The following ALLC variants were observed in gnomAD, a reference collection of about 807,000 sequenced individuals.
ALLC encodes the protein probable inactive allantoicase.
Under a neutral mutation model 45.0 loss-of-function variants are expected in ALLC, and 40 were observed. The ratio of observed to expected loss-of-function variants is 0.89; its 90% CI spans 0.69 to 1.16. ALLC has a LOEUF of 1.16. Ranked by LOEUF, ALLC falls within the 50% of genes most tolerant of loss-of-function variation. The pLI is 0.00. For synonymous variants in ALLC, 176 were observed against 178.1 expected (o/e 0.99, Z 0.09); for missense variants, 488 against 493.1 (o/e 0.99, Z 0.10).
rs1023133370 is a variant in ALLC, at chr2:3,679,744, G to C, written c.173-125G>C. 7 of 1,382,260 alleles carry C rather than the reference G, an allele frequency of 5.1e-6. No homozygotes were observed. In the East Asian group the frequency reaches 1.2e-4, roughly 23 times the overall value. 85.6% of individuals were successfully genotyped at this position (1,382,260 alleles called of 1,614,324 possible). ...TATTAGCTAAGAACCGCCCTGAACA[G>C]TTTTTTCTGTGATGGACGGAATGGC... is the stretch of plus-strand genomic sequence containing the variant. On this transcript the variant is annotated intron_variant, in intron 4 of 11. Transcript: ENST00000252505.
intron 2 of ALLC, among the ~76,000 whole-genome samples, chr2:3,671,738 G>A (rs1406572703): frequency 1.3e-5 from 2 of 149,016 alleles, no homozygotes; most frequent in Non-Finnish European, 3.0e-5. Context: ...TAGATGGGAG[G>A]TCCTCTGGCT....
At chr2:3,656,587 G>T (rs1572499108), upstream of ALLC, among the ~76,000 whole-genome samples, 1 of 131,716 alleles carries the variant, frequency 7.6e-6, no homozygotes, top group Non-Finnish European at 1.8e-5. Flanking sequence ...CTGCCACGTC[G>T]GATGGGGCAG....
rs1666960323 is a variant in ALLC at position 3,674,091 on chromosome 2, A to G, written c.50A>G (p.Asp17Gly). Residue 17 changes from aspartate to glycine, a missense_variant, in exon 3 of 12, where the codon GAT (aspartate) becomes GGT (glycine). Physicochemically the swap from Asp to Gly is moderately conservative, Grantham distance 94. Coordinates refer to ENST00000252505, the MANE Select transcript of ALLC (RefSeq NM_018436.4). The part of the protein sequence containing the change: ...SVGGKILFAT[D>G]DFFAPAENLI... The stretch of plus-strand genomic sequence containing the variant: ...TTTGTCTAGATTTTATTTGCAACAG[A>G]TGACTTTTTTGCTCCTGCAGAAAAC... 1.3e-6 allele frequency: 2 copies of G among 1,559,678 alleles called. No individual in the cohort carries two copies. The highest frequency in any genetic ancestry group is 2.3e-5 in the East Asian group (1 of 43,346).
upstream of ALLC, among the ~76,000 whole-genome samples, chr2:3,654,793 G>A (rs1255696719): frequency 6.6e-6 from 1 of 152,236 alleles, no homozygotes; most frequent in African/African-American, 2.4e-5. Flanking sequence ...ATTTCCCTGG[G>A]GTCGTGTCAC....
At chr2:3,676,365 C>T (rs191491044) in intron 3 of ALLC, among the ~76,000 whole-genome samples, 19 of 152,242 alleles carry the variant, frequency 1.2e-4, no homozygotes, top group African/African-American at 4.1e-4. Flanking sequence ...TCACTGCAGC[C>T]TCGACTTCCT....
At chr2:3,695,596 C>A in intron 7 of ALLC, 121 bp from the exon 8 acceptor site, 2 of 1,058,634 alleles carry the variant, frequency 1.9e-6, no homozygotes, top group South Asian at 1.5e-5. Flanking sequence ...TGAGAAACAG[C>A]AGGTGGGTGT....
rs1294229911 is a variant in ALLC at position 3,683,014 on chromosome 2, A to G, written c.451A>G (p.Asn151Asp). ...GCCAGGAAACCCTGCTTCCGGCCAC[A>G]ACTATTTTCTTGTCAATTCCCAGCA... is the stretch of plus-strand genomic sequence containing the variant. ...LKPGNPASGH[N>D]YFLVNSQQRW... The change falls in exon 7 of 12, where the codon AAC (asparagine) becomes GAC (aspartate). Residue 151 changes from asparagine (N) to aspartate (D), a missense_variant. By Grantham distance (23) the Asn-to-Asp change is conservative. Transcript: ENST00000252505. 6 of 1,614,034 alleles carry G rather than the reference A, an allele frequency of 3.7e-6. No homozygotes were observed. In the South Asian group the frequency reaches 6.6e-5, roughly 18 times the overall value.
the ALLC span, among the ~76,000 whole-genome samples, chr2:3,651,223 G>A: frequency 6.6e-6 from 1 of 151,356 alleles, no homozygotes; most frequent in East Asian, 1.9e-4. Context: ...GGACGGCGGC[G>A]CCCACACAGG....
intron 10 of ALLC, among the ~76,000 whole-genome samples, chr2:3,699,074 T>C (rs1667757228): frequency 6.6e-6 from 1 of 152,206 alleles, no homozygotes. Context: ...GCAGGTTTGT[T>C]ATATAGGTAA....
In ALLC at chr2:3,680,272, C is replaced by T. The variant is rs564637066; in HGVS notation, c.298+278C>T. On this transcript the variant is annotated intron_variant, in intron 5 of 11. Coordinates refer to ENST00000252505, the MANE Select transcript of ALLC (RefSeq NM_018436.4). The surrounding 1 kb of genome is among the most constrained non-coding windows in gnomAD (Gnocchi z 4.0). ...CAGAGGCAGGCCATCATCCCTGGAA[C>T]GTGGGTGAGCAGGTTGCTGGTGGGC... is the stretch of plus-strand genomic sequence containing the variant. Among the ~76,000 whole-genome samples, 3 of 152,210 alleles carry T rather than the reference C, an allele frequency of 2.0e-5. No individual in the cohort carries two copies. Among genetic ancestry groups the T allele is most frequent in the Admixed American group, 6.5e-5 (1 of 15,306 alleles).
At chr2:3,699,155 A>AT (rs1368343407) in intron 10 of ALLC, among the ~76,000 whole-genome samples, 1 of 152,032 alleles carries the variant, frequency 6.6e-6, no homozygotes, top group Non-Finnish European at 1.5e-5. Flanking sequence ...CCCGATAAGT[A>AT]TTTTTGCCTG....
At chr2:3,699,395 A>G (rs1667764840) in intron 10 of ALLC, among the ~76,000 whole-genome samples, 1 of 152,178 alleles carries the variant, frequency 6.6e-6, no homozygotes, top group Admixed American at 6.5e-5. Context: ...TTCTTTAGCC[A>G]GTCTACAATT....
intron 7 of ALLC, among the ~76,000 whole-genome samples, chr2:3,683,976 C>T (rs1287678135): frequency 2.0e-5 from 3 of 152,192 alleles, no homozygotes; most frequent in Non-Finnish European, 4.4e-5. Flanking sequence ...ACCACTACCA[C>T]ATTTTGTTTA....
At chr2:3,674,233 A>G (rs2148000973) in intron 3 of ALLC, 108 bp downstream of exon 3, 2 of 792,716 alleles carry the variant, frequency 2.5e-6, no homozygotes, top group Admixed American at 2.5e-5. Flanking sequence ...TGTGATGTAC[A>G]CTGGCAAATT....
chr2:3,659,846 C>T (rs1053567303), intron 1 of ALLC, among the ~76,000 whole-genome samples: 4 of 152,318 alleles, frequency 2.6e-5, no homozygotes, highest in Admixed American at 1.3e-4. Context: ...GGATTTGTGG[C>T]TGAGGAGAGA....
chr2:3,650,738 G>T, the ALLC span, among the ~76,000 whole-genome samples: 3,260 of 152,284 alleles, frequency 0.021, 83 homozygotes, highest in African/African-American at 0.065. Flanking sequence ...CTCCCATGTG[G>T]GTACCCACTG....
At chr2:3,697,701 TGTCG>T (rs1667718410) in intron 10 of ALLC, among the ~76,000 whole-genome samples, 2 of 152,120 alleles carry the variant, frequency 1.3e-5, no homozygotes, top group Non-Finnish European at 2.9e-5. Context: ...AGTCTTGCTG[TGTCG>T]CCCAGCCTGG....
chr2:3,669,813 C>T (rs970421991), intron 1 of ALLC, among the ~76,000 whole-genome samples: 11 of 152,114 alleles, frequency 7.2e-5, no homozygotes, highest in African/African-American at 2.4e-4. Context: ...TGGGAGGCTG[C>T]GATGGGGCAG....
intron 11 of ALLC, 40 bp from the exon 12 acceptor site, chr2:3,702,323 T>A (rs745386090): frequency 1.3e-6 from 2 of 1,593,192 alleles, no homozygotes; most frequent in South Asian, 2.2e-5. Context: ...ACACATGTCC[T>A]GTTAACAGAC....
Sources: allele counts gnomAD v4.1 joint callset (sites outside exome capture counted in the v4.1 genomes callset), GRCh38; gene constraint gnomAD v4.1.1; non-coding constraint Gnocchi (gnomAD v3.1); transcripts MANE v1.5; gene names NCBI Gene and HGNC (gene_info 2026-07-23, HGNC 2026-07-21).